APC: variants seen among roughly 807,000 people sequenced by gnomAD.
APC encodes APC regulator of Wnt signaling pathway.
In APC, 72 loss-of-function variants were observed where a neutral mutation model predicts 247.0. That is an observed-to-expected ratio of 0.29 (90% confidence interval 0.24 to 0.35). The LOEUF (loss-of-function observed/expected upper bound fraction) is 0.35, where lower values mean the gene tolerates loss of function less well. Ranked by LOEUF, APC falls within the 10% of genes least tolerant of loss-of-function variation. The pLI is 1.00. For missense variants in APC, 3,400 were observed against 3,360.7 expected, an observed-to-expected ratio of 1.01 and a Z score of -0.29; for synonymous variants, 1,254 against 1,162.5, an observed-to-expected ratio of 1.08 and a Z score of -1.60.
chr5:112,816,110 T>G (rs75985408), intron 9 of APC, among the ~76,000 whole-genome samples: 7 of 152,172 alleles, frequency 4.6e-5, no homozygotes, highest in African/African-American at 1.7e-4. Flanking sequence ...CCTGTGACTT[T>G]CCCCCTCCCT....
At position 112,842,571 on chromosome 5, in the gene APC, G is replaced by A. The variant is rs531178000; in HGVS notation, c.6977G>A (p.Arg2326Gln). The A allele has an allele frequency of 1.7e-5, 28 of 1,613,718 alleles. No homozygotes were observed. The highest frequency in any genetic ancestry group is 8.0e-5 in the African/African-American group (6 of 75,012). The change falls in exon 16 of 16, where the codon CGA becomes CAA. Residue 2326 changes from arginine (R) to glutamine (Q), a missense_variant. By Grantham distance (43) the Arg-to-Gln change is conservative. Coordinates refer to ENST00000257430, the MANE Select transcript of APC (RefSeq NM_000038.6). ...AGTAGACCTATACAGTCTCCTGGCCGAAACTCAATTTCCCCTGGTAGAAAT... is the reference window on the plus strand; with the variant it reads ...AGTAGACCTATACAGTCTCCTGGCCAAAACTCAATTTCCCCTGGTAGAAAT... Reference protein sequence around the residue: ...PLSRPIQSPGRNSISPGRNGI... With the variant: ...PLSRPIQSPGQNSISPGRNGI...
At chr5:112,831,113 AT>A (rs5870514) in intron 14 of APC, among the ~76,000 whole-genome samples, 199 of 145,664 alleles carry the variant, frequency 1.4e-3, no homozygotes, top group Middle Eastern at 3.5e-3. Context: ...TCTTCTATAA[AT>A]TTTTTTTTTT....
At chr5:112,723,926 G>T (rs980688966) in intron 1 of APC, among the ~76,000 whole-genome samples, 1 of 152,050 alleles carries the variant, frequency 6.6e-6, no homozygotes, top group Non-Finnish European at 1.5e-5. Context: ...TTTTGGGGGG[G>T]TCCAGGGTTT....
At chr5:112,813,071 C>T (rs1267657171) in intron 8 of APC, among the ~76,000 whole-genome samples, 1 of 152,168 alleles carries the variant, frequency 6.6e-6, no homozygotes, top group African/African-American at 2.4e-5. Context: ...TCAGTCCAAC[C>T]CCAGACTTCC....
At chr5:112,756,014 G>C (rs1315281747) in intron 2 of APC, among the ~76,000 whole-genome samples, 1 of 150,322 alleles carries the variant, frequency 6.7e-6, no homozygotes, top group Non-Finnish European at 1.5e-5. Flanking sequence ...TCTCCCTCTT[G>C]GCTATTTTAA....
chr5:112,766,419 TA>T lies in APC; in HGVS notation c.220+14del. The T allele has an allele frequency of 6.3e-7, 1 of 1,590,558 alleles. No individual in the cohort carries two copies. Among genetic ancestry groups the T allele is most frequent in the Non-Finnish European group, 8.6e-7 (1 of 1,158,868 alleles). On this transcript the variant is annotated intron_variant, in intron 3 of 15. Transcript: ENST00000257430. ...ATTAGAGCGTCTTAAAGGTAGATTT[TA>T]AAAAGGTGTTTTAAAATAATTTTTT...
At chr5:112,790,625 G>A (rs1050034172) in intron 6 of APC, among the ~76,000 whole-genome samples, 5 of 152,120 alleles carry the variant, frequency 3.3e-5, no homozygotes, top group Non-Finnish European at 5.9e-5. Flanking sequence ...CACCGTGCCC[G>A]GCAGCGAACA....
chr5:112,805,490 C>T (rs1761284039), intron 8 of APC, among the ~76,000 whole-genome samples: 1 of 152,154 alleles, frequency 6.6e-6, no homozygotes, highest in Non-Finnish European at 1.5e-5. Context: ...GACTTGCCCA[C>T]CATATTGGTG....
chr5:112,737,865 G>T (rs1006569104), upstream of APC: 5 of 985,564 alleles, frequency 5.1e-6, no homozygotes, highest in Non-Finnish European at 6.0e-6. Context: ...GGCTGTATTG[G>T]TGCAGCCCGC....
At position 112,841,417 on chromosome 5, in the gene APC, A is replaced by G. The variant is rs770869007; in HGVS notation, c.5823A>G (p.Pro1941=). Residue 1941 remains proline (P), a synonymous_variant, in exon 16 of 16, where the codon CCA becomes CCG. Transcript: ENST00000257430. The surrounding 1 kb of genome is among the most constrained non-coding windows in gnomAD (Gnocchi z 4.6). ...STFPQSSKDI[P]DRGAATDEKL... ...TTCCCCAGTCATCCAAAGACATACCAGACAGAGGGGCAGCAACTGATGAAA... is the reference window on the plus strand; with the variant it reads ...TTCCCCAGTCATCCAAAGACATACCGGACAGAGGGGCAGCAACTGATGAAA... 16 of 1,613,938 alleles carry G rather than the reference A, an allele frequency of 9.9e-6. No homozygotes were observed. In the Admixed American group the frequency reaches 1.0e-4, roughly 10 times the overall value.
At chr5:112,722,569 C>A (rs1016881490) in intron 1 of APC, among the ~76,000 whole-genome samples, 1 of 152,098 alleles carries the variant, frequency 6.6e-6, no homozygotes, top group Non-Finnish European at 1.5e-5. Context: ...TCCTTCCCCC[C>A]AGTCCCAAGT....
At chr5:112,731,504 A>G (rs1451325078) in intron 1 of APC, among the ~76,000 whole-genome samples, 1 of 152,080 alleles carries the variant, frequency 6.6e-6, no homozygotes, top group Non-Finnish European at 1.5e-5. Flanking sequence ...AAACACATTA[A>G]TCCATTACTG....
At position 112,841,373 on chromosome 5, in the gene APC, C is replaced by A. The variant is rs730881253; in HGVS notation, c.5779C>A (p.Leu1927Ile). 1.2e-6 allele frequency: 2 copies of A among 1,613,492 alleles called. No homozygotes were observed. The highest frequency in any genetic ancestry group is 1.7e-6 in the Non-Finnish European group (2 of 1,179,584). Residue 1927 changes from leucine (L) to isoleucine (I), a missense_variant, in exon 16 of 16, where the codon CTT (leucine) becomes ATT (isoleucine). Around this residue, in one of 9 missense-constraint regions of APC, gnomAD observed 1,788 missense variants for 1,649.5 expected, o/e 1.08. Coordinates refer to ENST00000257430, the MANE Select transcript of APC (RefSeq NM_000038.6). This position sits in a 1 kb window ranked among gnomAD's most constrained non-coding sequence, Gnocchi z 4.6. ...AAATCGAGGTCAGCCTAAACCCATA[C>A]TTCAGAAACAATCCACTTTTCCCCA... ...PINRGQPKPI[L>I]QKQSTFPQSS...
At position 112,842,525 on chromosome 5, in the gene APC, A is replaced by G. The variant is rs878853467; in HGVS notation, c.6931A>G (p.Arg2311Gly). 1 of 1,614,096 alleles carries G rather than the reference A, an allele frequency of 6.2e-7. No homozygotes were observed. The highest frequency in any genetic ancestry group is 8.5e-7 in the Non-Finnish European group (1 of 1,179,976). ...RSGSRDSTPS[R>G]PAQQPLSRPI... Reference sequence around the variant, plus strand: ...AGGATCTAGAGATTCGACCCCTTCAAGACCTGCCCAGCAACCATTAAGTAG... The same window carrying G: ...AGGATCTAGAGATTCGACCCCTTCAGGACCTGCCCAGCAACCATTAAGTAG... The change falls in exon 16 of 16, where the codon AGA becomes GGA. Residue 2311 changes from arginine to glycine, a missense_variant. Coordinates refer to ENST00000257430, the MANE Select transcript of APC (RefSeq NM_000038.6).
chr5:112,717,934 T>TTTG (rs1464518434), intron 1 of APC, among the ~76,000 whole-genome samples: 1 of 140,110 alleles, frequency 7.1e-6, no homozygotes, highest in East Asian at 2.1e-4. Context: ...TTTTTTTTTT[T>TTTG]TTTGCTTCTT....
At chr5:112,755,456 C>T (rs547117836) in intron 2 of APC, among the ~76,000 whole-genome samples, 1 of 152,038 alleles carries the variant, frequency 6.6e-6, no homozygotes, top group East Asian at 1.9e-4. Flanking sequence ...ATCAGGATAC[C>T]CTACTGGGAA....
intron 15 of APC, among the ~76,000 whole-genome samples, chr5:112,836,816 T>C (rs1052776590): frequency 2.0e-5 from 3 of 152,028 alleles, no homozygotes; most frequent in African/African-American, 7.2e-5. Flanking sequence ...TTCTCCTGGC[T>C]CAGCCTCCTG....
rs1554088977 is a variant in APC at position 112,843,808 on chromosome 5, A to T, written c.8214A>T (p.Ile2738=). ...VDAPDQKGTE[I]KPGQNNPVPV... is the part of the protein sequence containing the mutation. ...CCCCTGACCAAAAAGGAACTGAGAT[A>T]AAACCAGGACAAAATAATCCTGTCC... Residue 2738 remains isoleucine, a synonymous_variant, in exon 16 of 16, where the codon ATA becomes ATT. Transcript: ENST00000257430. This position sits in a 1 kb window ranked among gnomAD's most constrained non-coding sequence, Gnocchi z 4.8. 1 of 1,614,128 alleles carries T rather than the reference A, an allele frequency of 6.2e-7. No homozygotes were observed. The highest frequency in any genetic ancestry group is 8.5e-7 in the Non-Finnish European group (1 of 1,179,968).
At chr5:112,725,588 T>C (rs1751729188) in intron 1 of APC, among the ~76,000 whole-genome samples, 1 of 148,852 alleles carries the variant, frequency 6.7e-6, no homozygotes, top group Non-Finnish European at 1.5e-5. Context: ...ACCCCATCTC[T>C]ACAAAAACAT....
Sources: allele counts gnomAD v4.1 joint callset (sites outside exome capture counted in the v4.1 genomes callset), GRCh38; gene constraint gnomAD v4.1.1; regional missense constraint gnomAD v4.1.1; non-coding constraint Gnocchi (gnomAD v3.1); transcripts MANE v1.5; gene names NCBI Gene and HGNC (gene_info 2026-07-23, HGNC 2026-07-21).